RNF180: variants seen among roughly 807,000 people sequenced by gnomAD.
RNF180 encodes the protein E3 ubiquitin-protein ligase RNF180.
RNF180 carries 38 observed loss-of-function variants against 59.2 expected under a neutral mutation model. The observed-to-expected ratio is 0.64, with a 90% CI of 0.50 to 0.84. The LOEUF (loss-of-function observed/expected upper bound fraction) is 0.84, where lower values mean the gene tolerates loss of function less well. RNF180 is among the 40% of genes least tolerant of loss of function. The pLI is 0.00. For missense variants in RNF180, 705 were observed against 700.9 expected (o/e 1.01, Z -0.07); for synonymous variants, 262 against 240.3 (o/e 1.09, Z -0.84).
chr5:64,268,129 T>C (rs933317551), intron 5 of RNF180, among the ~76,000 whole-genome samples: 4 of 152,182 alleles, frequency 2.6e-5, no homozygotes, highest in East Asian at 3.8e-4. Context: ...TAGTTTCCAA[T>C]GTTTATTCAT....
At chr5:64,277,022 G>C (rs1741755798) in intron 5 of RNF180, among the ~76,000 whole-genome samples, 2 of 151,960 alleles carry the variant, frequency 1.3e-5, no homozygotes, top group Non-Finnish European at 2.9e-5. Flanking sequence ...CATGTTCGCT[G>C]TAGCATCCCT....
intron 1 of RNF180, among the ~76,000 whole-genome samples, chr5:64,167,212 G>A (rs1048720357): frequency 1.3e-5 from 2 of 152,114 alleles, no homozygotes; most frequent in Admixed American, 1.3e-4. Flanking sequence ...TAGGTTTCCC[G>A]GAATATTTGA....
intron 5 of RNF180, among the ~76,000 whole-genome samples, chr5:64,251,729 T>A (rs1226665769): frequency 6.6e-6 from 1 of 152,184 alleles, no homozygotes; most frequent in Non-Finnish European, 1.5e-5. Context: ...AAAAAACTTT[T>A]GAACTAACAA....
chr5:64,288,277 G>C lies in RNF180; in HGVS notation c.1228-36909G>C, dbSNP rs991097746. Among the ~76,000 whole-genome samples the C allele has an allele frequency of 4.6e-5, 7 of 152,300 alleles. No individual in the cohort carries two copies. The South Asian group carries it at 1.2e-3, about 27-fold the overall frequency. ...GGTCTATGTGTGTGCTTTTGTACCA[G>C]TACCATGCTTTTTTGGTTACTGTGG... On this transcript the variant is annotated intron_variant, in intron 5 of 7. Transcript: ENST00000389100.
chr5:64,259,800 A>G (rs149138244), intron 5 of RNF180, among the ~76,000 whole-genome samples: 52 of 152,164 alleles, frequency 3.4e-4, no homozygotes, highest in African/African-American at 7.7e-4. Context: ...GCATGCCTAT[A>G]ATCCCAGCTA....
At chr5:64,251,318 G>A (rs992239756) in intron 5 of RNF180, among the ~76,000 whole-genome samples, 1 of 152,116 alleles carries the variant, frequency 6.6e-6, no homozygotes, top group African/African-American at 2.4e-5. Context: ...ACTTTTTATC[G>A]TTACCATACT....
chr5:64,238,867 G>T (rs764891489), intron 5 of RNF180, among the ~76,000 whole-genome samples: 1 of 151,990 alleles, frequency 6.6e-6, no homozygotes, highest in Non-Finnish European at 1.5e-5. Context: ...TTTTGTTTCT[G>T]TTGCCCATGC....
chr5:64,214,171 A>G lies in RNF180; in HGVS notation c.845A>G (p.Asn282Ser). The change falls in exon 4 of 8, where the codon AAT becomes AGT. Residue 282 changes from asparagine (N) to serine (S), a missense_variant. By Grantham distance (46) the Asn-to-Ser change is conservative. Coordinates refer to ENST00000389100, the MANE Select transcript of RNF180 (RefSeq NM_001113561.2). ...QSSKNSYSFQ[N>S]PSSFDPSMLL... ...AGTAAAAATAGCTATTCCTTTCAGA[A>G]TCCATCCAGTTTTGATCCTAGTATG... The G allele has an allele frequency of 6.2e-7, 1 of 1,614,162 alleles. No homozygotes were observed. The highest frequency in any genetic ancestry group is 8.5e-7 in the Non-Finnish European group (1 of 1,180,028).
rs1474704946 is a variant in RNF180 at position 64,271,504 on chromosome 5, G to A, written c.1228-53682G>A. 1.8e-4 allele frequency among the ~76,000 whole-genome samples: 27 copies of A among 152,004 alleles called. 1 individual carries two copies. The highest frequency in any genetic ancestry group is 1.8e-3 in the Admixed American group (27 of 15,244). On this transcript the variant is annotated intron_variant, in intron 5 of 7. Transcript: ENST00000389100. ...TATGTTTGTAGCCTAGGAGCAATAG[G>A]CTATATCATATATCCTAGGTGTGTA...
chr5:64,281,061 T>A (rs1261346677), intron 5 of RNF180, among the ~76,000 whole-genome samples: 4 of 152,204 alleles, frequency 2.6e-5, no homozygotes, highest in African/African-American at 9.6e-5. Context: ...TTTGTGTGTG[T>A]GGTTATTGTG....
intron 7 of RNF180, among the ~76,000 whole-genome samples, chr5:64,347,535 G>T (rs1745604005): frequency 6.6e-6 from 1 of 152,084 alleles, no homozygotes; most frequent in African/African-American, 2.4e-5. Flanking sequence ...CTACTACCAT[G>T]ATTTACCATC....
chr5:64,335,797 G>GAA (rs1561268848), intron 7 of RNF180, among the ~76,000 whole-genome samples: 1 of 152,122 alleles, frequency 6.6e-6, no homozygotes, highest in Non-Finnish European at 1.5e-5. Context: ...CAAGCTGCAT[G>GAA]AAAAACTATG....
intron 5 of RNF180, among the ~76,000 whole-genome samples, chr5:64,294,956 G>A (rs1400398218): frequency 1.3e-5 from 2 of 151,990 alleles, no homozygotes; most frequent in Non-Finnish European, 2.9e-5. Flanking sequence ...TCTTTCAGAG[G>A]CAACCACTAT....
chr5:64,214,608 A>G lies in RNF180; in HGVS notation c.1191+91A>G. On this transcript the variant is annotated intron_variant, in intron 4 of 7. Coordinates refer to ENST00000389100, the MANE Select transcript of RNF180 (RefSeq NM_001113561.2). ...CTAACTTTCAACATCTGTATAATAAAAACTTGGTTTTAGTAATTCTGGAAA... is the reference window on the plus strand; with the variant it reads ...CTAACTTTCAACATCTGTATAATAAGAACTTGGTTTTAGTAATTCTGGAAA... 3 of 1,196,408 alleles carry G rather than the reference A, an allele frequency of 2.5e-6. No individual in the cohort carries two copies. In the East Asian group the frequency reaches 7.4e-5, roughly 29 times the overall value. 74.1% of individuals were successfully genotyped at this position (1,196,408 alleles called of 1,614,324 possible). A position where few individuals can be genotyped will look rare whatever the true frequency, so the allele number is the denominator to read the frequency against.
intron 7 of RNF180, among the ~76,000 whole-genome samples, chr5:64,348,927 G>A (rs904923293): frequency 2.6e-5 from 4 of 152,022 alleles, no homozygotes; most frequent in Non-Finnish European, 5.9e-5. Context: ...ATGATACCTT[G>A]TCTGAGACAT....
chr5:64,267,925 A>G (rs546535164), intron 5 of RNF180, among the ~76,000 whole-genome samples: 2 of 152,246 alleles, frequency 1.3e-5, no homozygotes, highest in African/African-American at 4.8e-5. Context: ...TGTCTTCTAC[A>G]TTTATCATTG....
At chr5:64,367,485 T>G (rs1230535562) in intron 7 of RNF180, among the ~76,000 whole-genome samples, 1 of 151,710 alleles carries the variant, frequency 6.6e-6, no homozygotes, top group African/African-American at 2.4e-5. Context: ...CTATTTGAAA[T>G]GTAGCTCTAC....
chr5:64,369,466 TAAAAA>T (rs56066106), intron 7 of RNF180, 144 bp from the exon 8 acceptor site: 14 of 440,522 alleles, frequency 3.2e-5, no homozygotes, highest in Non-Finnish European at 5.6e-5. Context: ...ATAATAATAA[TAAAAA>T]AAAAAGAAAA....
intron 7 of RNF180, among the ~76,000 whole-genome samples, chr5:64,367,778 C>G (rs1202928923): frequency 6.6e-6 from 1 of 151,602 alleles, no homozygotes; most frequent in Non-Finnish European, 1.5e-5. Flanking sequence ...CTTTTATCAC[C>G]ATAGTTGCTA....
Sources: gnomAD v4.1 joint callset for allele counts (sites outside exome capture counted in the v4.1 genomes callset) on GRCh38, gnomAD v4.1.1 for gene constraint, MANE v1.5 for transcripts, NCBI Gene and HGNC (gene_info 2026-07-23, HGNC 2026-07-21) for gene names.